Variants in NAV2 observed in about 807,000 individuals in gnomAD.
The protein encoded by NAV2 is helicase, APC down-regulated 1.
In NAV2, 54 loss-of-function variants were observed where a neutral mutation model predicts 223.2. That is an observed-to-expected ratio of 0.24 (90% CI 0.19 to 0.30). NAV2 has a LOEUF of 0.30. Ranked by LOEUF, NAV2 falls within the 10% of genes least tolerant of loss-of-function variation. The probability of loss-of-function intolerance (pLI) is 1.00; values close to 1 mark genes in which losing one functional copy is unlikely to be tolerated. For missense variants in NAV2, 2,806 were observed against 3,147.5 expected, an observed-to-expected ratio of 0.89 and a Z score of 2.60; for synonymous variants, 1,279 against 1,239.3, an observed-to-expected ratio of 1.03 and a Z score of -0.67.
chr11:19,690,379 A>G (rs1174089487), intron 1 of NAV2, among the ~76,000 whole-genome samples: 1 of 152,106 alleles, frequency 6.6e-6, no homozygotes, highest in Non-Finnish European at 1.5e-5. Context: ...GTGGTTTCTG[A>G]GTGTTAACCA....
At chr11:20,003,231 C>T (rs1373062355) in intron 11 of NAV2, among the ~76,000 whole-genome samples, 1 of 152,176 alleles carries the variant, frequency 6.6e-6, no homozygotes, top group African/African-American at 2.4e-5. Context: ...AAACATGCTG[C>T]ACATTAACTT....
chr11:19,536,177 G>A (rs149306166), intron 1 of NAV2, among the ~76,000 whole-genome samples: 1,650 of 152,292 alleles, frequency 0.011, 13 homozygotes, highest in Non-Finnish European at 0.016. Context: ...TGAGGTGTAA[G>A]CAGTTTTGTC....
At chr11:19,398,550 G>T (rs4353249) in intron 1 of NAV2, among the ~76,000 whole-genome samples, 56,829 of 151,494 alleles carry the variant, frequency 0.38, 10,915 homozygotes, top group East Asian at 0.53. Flanking sequence ...TATCAGCCCC[G>T]CTTACACTCT....
intron 11 of NAV2, among the ~76,000 whole-genome samples, chr11:20,007,460 C>G (rs2053184121): frequency 6.6e-6 from 1 of 152,232 alleles, no homozygotes; most frequent in African/African-American, 2.4e-5. Context: ...GAGGCTTTGC[C>G]TCATCTCTCC....
chr11:19,476,636 T>C (rs1395065278), intron 1 of NAV2, among the ~76,000 whole-genome samples: 1 of 152,226 alleles, frequency 6.6e-6, no homozygotes, highest in Admixed American at 6.5e-5. Context: ...CATGATCCAA[T>C]ACACCGGGAA....
At chr11:19,786,610 A>G (rs1463202437) in intron 1 of NAV2, among the ~76,000 whole-genome samples, 2 of 152,332 alleles carry the variant, frequency 1.3e-5, no homozygotes, top group East Asian at 3.9e-4. Context: ...AGGTCAGATT[A>G]GATACAGCTT....
intron 1 of NAV2, among the ~76,000 whole-genome samples, chr11:19,655,334 C>T (rs1440613872): frequency 9.2e-5 from 14 of 152,128 alleles, no homozygotes; most frequent in African/African-American, 2.7e-4. Flanking sequence ...GTCAGTGTGG[C>T]GATTCCTCAA....
intron 1 of NAV2, among the ~76,000 whole-genome samples, chr11:19,657,647 C>A (rs1398179986): frequency 6.6e-6 from 1 of 152,142 alleles, no homozygotes; most frequent in Non-Finnish European, 1.5e-5. Context: ...GCAGGGTAGA[C>A]CAGATGTGGA....
intron 11 of NAV2, among the ~76,000 whole-genome samples, chr11:19,986,490 C>T (rs1208748608): frequency 6.6e-6 from 1 of 152,100 alleles, no homozygotes; most frequent in African/African-American, 2.4e-5. Flanking sequence ...TGTGGTGATG[C>T]ACAACTGTAA....
chr11:19,390,695 T>C (rs1374349327), intron 1 of NAV2, among the ~76,000 whole-genome samples: 8 of 151,858 alleles, frequency 5.3e-5, no homozygotes, highest in Admixed American at 4.6e-4. Flanking sequence ...GGGTAAGTGG[T>C]GAAGGGGAGG....
intron 1 of NAV2, among the ~76,000 whole-genome samples, chr11:19,730,345 C>A (rs933822529): frequency 6.6e-5 from 10 of 151,962 alleles, no homozygotes. Context: ...ACCCCCCACC[C>A]ACACAGGCGA....
At chr11:19,460,045 T>A (rs1852099351) in intron 1 of NAV2, among the ~76,000 whole-genome samples, 1 of 152,252 alleles carries the variant, frequency 6.6e-6, no homozygotes, top group East Asian at 1.9e-4. Context: ...GCAAGATACT[T>A]AACCTTTCTT....
chr11:19,892,047 C>T (rs566440166), intron 5 of NAV2, among the ~76,000 whole-genome samples: 20 of 152,294 alleles, frequency 1.3e-4, no homozygotes, highest in African/African-American at 4.6e-4. Context: ...CAACCTCTGC[C>T]TCCCAGGTTC....
In NAV2 at chr11:19,933,482, G is replaced by T. The variant is rs2045573826; in HGVS notation, c.1238G>T (p.Gly413Val). ...CTGAAACTTTTCAACAGTAAAGGGGGCTCAAAGGCAGGTGAGGGGCCGGGG... is the reference window on the plus strand; with the variant it reads ...CTGAAACTTTTCAACAGTAAAGGGGTCTCAAAGGCAGGTGAGGGGCCGGGG... ...EKLKLFNSKG[G>V]SKAGEGPGSR... Residue 413 changes from glycine (G) to valine (V), a missense_variant, in exon 7 of 38, where the codon GGC becomes GTC. This residue lies in a region of NAV2 where 1,167 missense variants were observed against 1,180.5 expected (regional missense o/e 0.99). Transcript: ENST00000349880. This position sits in a 1 kb window ranked among gnomAD's most constrained non-coding sequence, Gnocchi z 4.3. 1 of 1,610,870 alleles carries T rather than the reference G, an allele frequency of 6.2e-7. No homozygotes were observed. Among genetic ancestry groups the T allele is most frequent in the Non-Finnish European group, 8.5e-7 (1 of 1,178,758 alleles).
At position 20,044,959 on chromosome 11, in the gene NAV2, C is replaced by T; in HGVS notation, c.3200-9C>T. On this transcript the variant is annotated splice_polypyrimidine_tract_variant and intron_variant, in intron 13 of 37. Transcript: ENST00000349880. ...GCTTGCAGGCTAATCTTGCTGATCT[C>T]TCTCTTAGGAAAAACAGACGACGCA... is the stretch of plus-strand genomic sequence containing the variant. The T allele has an allele frequency of 6.3e-7, 1 of 1,595,868 alleles. No individual in the cohort carries two copies. Among genetic ancestry groups the T allele is most frequent in the Non-Finnish European group, 8.5e-7 (1 of 1,171,926 alleles).
In NAV2 at chr11:19,632,584, T is replaced by C. The variant is rs555284382; in HGVS notation, c.76-199900T>C. 9.8e-5 allele frequency among the ~76,000 whole-genome samples: 15 copies of C among 152,318 alleles called. No individual in the cohort carries two copies. The South Asian group carries it at 1.2e-3, about 13-fold the overall frequency. On this transcript the variant is annotated intron_variant, in intron 1 of 37. Transcript: ENST00000360655. Reference sequence around the variant, plus strand: ...GCTGTTGCCTGTTTTGTGGTTTTCATTGTGGTCAGTTCAAAGAGGCTGATT... The same window carrying C: ...GCTGTTGCCTGTTTTGTGGTTTTCACTGTGGTCAGTTCAAAGAGGCTGATT...
chr11:20,024,887 G>A lies in NAV2; in HGVS notation c.2769-11072G>A, dbSNP rs147172708. Among the ~76,000 whole-genome samples, 289 of 152,260 alleles carry A rather than the reference G, an allele frequency of 1.9e-3. 1 individual carries two copies. Among genetic ancestry groups the A allele is most frequent in the African/African-American group, 6.6e-3 (275 of 41,542 alleles). The stretch of plus-strand genomic sequence containing the variant: ...AGACAGCTGGCCAATGCCCTGTCTG[G>A]GATTTGTCCCCCATCCCCTTTCCTT... On this transcript the variant is annotated intron_variant, in intron 11 of 37. Transcript: ENST00000349880.
chr11:19,803,042 ATTTT>A (rs2058358545), intron 1 of NAV2, among the ~76,000 whole-genome samples: 1 of 151,962 alleles, frequency 6.6e-6, no homozygotes, highest in Admixed American at 6.6e-5. Context: ...GCTGGGGTTT[ATTTT>A]TACCAGCAAT....
At chr11:20,035,001 G>T (rs1302222203) in intron 11 of NAV2, among the ~76,000 whole-genome samples, 7 of 152,260 alleles carry the variant, frequency 4.6e-5, no homozygotes, top group Admixed American at 2.0e-4. Context: ...AAGCTCAGAG[G>T]GTCTTGAGGG....
Sources: allele counts gnomAD v4.1 joint callset (sites outside exome capture counted in the v4.1 genomes callset), GRCh38; gene constraint gnomAD v4.1.1; regional missense constraint gnomAD v4.1.1; non-coding constraint Gnocchi (gnomAD v3.1); transcripts MANE v1.5; gene names NCBI Gene and HGNC (gene_info 2026-07-23, HGNC 2026-07-21).